Variants in PDE4D observed in about 807,000 individuals in gnomAD.
PDE4D encodes the protein 3',5'-cyclic-AMP phosphodiesterase 4D.
Under a neutral mutation model 87.4 loss-of-function variants are expected in PDE4D, and 24 were observed. That is an observed-to-expected ratio of 0.27 (90% confidence interval 0.20 to 0.39). The LOEUF is 0.39. Among genes scored for constraint, PDE4D ranks in the 10% least tolerant of loss-of-function variants. The pLI is 1.00. For synonymous variants in PDE4D, 384 were observed against 383.2 expected, an observed-to-expected ratio of 1.00 and a Z score of -0.02; for missense variants, 714 against 1,041.0, an observed-to-expected ratio of 0.69 and a Z score of 4.32.
intron 2 of PDE4D, among the ~76,000 whole-genome samples, chr5:60,095,272 C>G (rs1307685631): frequency 6.6e-6 from 1 of 152,162 alleles, no homozygotes; most frequent in Non-Finnish European, 1.5e-5. Context: ...CTTTGTTCAG[C>G]TCCCACCTAT....
intron 1 of PDE4D, among the ~76,000 whole-genome samples, chr5:59,762,515 T>TATGGGTACAC (rs1762197460): frequency 8.0e-6 from 1 of 125,736 alleles, no homozygotes; most frequent in African/African-American, 3.4e-5. Flanking sequence ...CATATGTGTA[T>TATGGGTACAC]ATGTGTATAT....
chr5:60,121,539 G>A (rs969209512), intron 2 of PDE4D, among the ~76,000 whole-genome samples: 8 of 152,038 alleles, frequency 5.3e-5, no homozygotes, highest in Non-Finnish European at 7.4e-5. Flanking sequence ...ATACAAAAGT[G>A]GAAACCCCTG....
intron 6 of PDE4D, among the ~76,000 whole-genome samples, chr5:58,993,796 C>A (rs986442714): frequency 4.6e-5 from 7 of 151,938 alleles, no homozygotes; most frequent in African/African-American, 1.7e-4. Flanking sequence ...CTGACCAGCA[C>A]AAATTTAGAC....
At chr5:59,133,675 C>T (rs1362790607) in intron 5 of PDE4D, among the ~76,000 whole-genome samples, 1 of 152,210 alleles carries the variant, frequency 6.6e-6, no homozygotes. Context: ...CCCAGGCATG[C>T]CACAGCAGCC....
chr5:59,058,751 T>C (rs1392344168), intron 5 of PDE4D, among the ~76,000 whole-genome samples: 2 of 151,724 alleles, frequency 1.3e-5, no homozygotes, highest in Non-Finnish European at 2.9e-5. Flanking sequence ...CAGACACCTG[T>C]CTACAAAGAG....
At chr5:58,989,694 A>T in intron 10 of PDE4D, 61 bp downstream of exon 10, 2 of 1,034,298 alleles carry the variant, frequency 1.9e-6, no homozygotes, top group Non-Finnish European at 2.8e-6. Flanking sequence ...TTCAGATAAA[A>T]GTTTAATAGA....
upstream of PDE4D, chr5:59,893,730 C>G (rs1751328233): frequency 7.3e-7 from 1 of 1,375,168 alleles, no homozygotes; most frequent in South Asian, 1.7e-5. Flanking sequence ...CTTCTGCAGC[C>G]CAGCAGAGGC....
intron 1 of PDE4D, among the ~76,000 whole-genome samples, chr5:59,222,961 C>T (rs1000398280): frequency 4.6e-5 from 7 of 152,088 alleles, no homozygotes; most frequent in African/African-American, 1.4e-4. Flanking sequence ...TCTTTTTCTC[C>T]CAGGGAGATC....
At chr5:60,031,265 C>A (rs956095302) in intron 2 of PDE4D, among the ~76,000 whole-genome samples, 1 of 152,174 alleles carries the variant, frequency 6.6e-6, no homozygotes, top group East Asian at 1.9e-4. Context: ...TTTGCTTTAA[C>A]AAACATTTAA....
intron 1 of PDE4D, among the ~76,000 whole-genome samples, chr5:59,754,067 T>A (rs1296553697): frequency 6.6e-6 from 1 of 152,184 alleles, no homozygotes; most frequent in Non-Finnish European, 1.5e-5. Flanking sequence ...CAGTGGCTCA[T>A]GCCTGTAATC....
intron 13 of PDE4D, 32 bp downstream of exon 13, chr5:58,976,318 C>A: frequency 6.2e-7 from 1 of 1,609,706 alleles, no homozygotes; most frequent in Non-Finnish European, 8.5e-7. Flanking sequence ...CACAGACACA[C>A]ACACACAGAG....
intron 1 of PDE4D, among the ~76,000 whole-genome samples, chr5:59,460,088 A>T (rs1243796931): frequency 6.7e-6 from 1 of 149,488 alleles, no homozygotes; most frequent in African/African-American, 2.5e-5. Flanking sequence ...AATAGACATA[A>T]GTAGAAAGAA....
intron 1 of PDE4D, among the ~76,000 whole-genome samples, chr5:59,651,480 CA>C (rs571423750): frequency 6.6e-6 from 1 of 151,554 alleles, no homozygotes; most frequent in Admixed American, 6.6e-5. Context: ...ACCTTCCTTC[CA>C]AAATTTTATT....
chr5:58,975,048 G>A lies in PDE4D; in HGVS notation c.2046C>T (p.Leu682=). 6.3e-7 allele frequency: 1 copy of A among 1,577,814 alleles called. No homozygotes were observed. ...GGACGAGGTCTGCCCATGTCTCCCA[G>A]AGGGGATGAACAATATAGTCTATGA... ...VGFIDYIVHP[L]WETWADLVHP... Residue 682 remains leucine (L), a synonymous_variant, in exon 15 of 15, where the codon CTC becomes CTT. Transcript: ENST00000340635. The surrounding 1 kb of genome is among the most constrained non-coding windows in gnomAD (Gnocchi z 4.2).
chr5:59,461,760 C>T lies in PDE4D; in HGVS notation c.456-245792G>A, dbSNP rs142617018. Reference sequence around the variant, plus strand: ...TTTTCCTGCTTATTACTCTTTAGACCCCCAATTTATTTCTCCTAGTATGCC... The same window carrying T: ...TTTTCCTGCTTATTACTCTTTAGACTCCCAATTTATTTCTCCTAGTATGCC... On this transcript the variant is annotated intron_variant, in intron 1 of 14. Coordinates refer to ENST00000340635, the MANE Select transcript of PDE4D (RefSeq NM_001104631.2). Among the ~76,000 whole-genome samples, 600 of 152,050 alleles carry T rather than the reference C, an allele frequency of 3.9e-3. 8 individuals carry two copies. The highest frequency in any genetic ancestry group is 0.014 in the African/African-American group (569 of 41,464).
At chr5:59,354,900 A>G (rs563260275) in intron 1 of PDE4D, among the ~76,000 whole-genome samples, 1 of 152,300 alleles carries the variant, frequency 6.6e-6, no homozygotes, top group East Asian at 1.9e-4. Context: ...ATAAACTAGA[A>G]CCTCCAAACA....
intron 2 of PDE4D, among the ~76,000 whole-genome samples, chr5:60,094,577 T>C (rs932678024): frequency 6.8e-6 from 1 of 146,716 alleles, no homozygotes; most frequent in East Asian, 2.1e-4. Flanking sequence ...TAACCCAATG[T>C]GAGTGACATG....
chr5:59,011,538 G>C (rs1752810091), intron 6 of PDE4D, among the ~76,000 whole-genome samples: 1 of 152,132 alleles, frequency 6.6e-6, no homozygotes, highest in African/African-American at 2.4e-5. Context: ...CTGGAAGAAA[G>C]GGTATCAGTG....
chr5:59,139,045 C>T (rs535958162), intron 5 of PDE4D, among the ~76,000 whole-genome samples: 4 of 152,124 alleles, frequency 2.6e-5, no homozygotes, highest in South Asian at 2.1e-4. Context: ...GAACAATATA[C>T]GCAAAAGTTA....
Sources: allele counts gnomAD v4.1 joint callset (sites outside exome capture counted in the v4.1 genomes callset), GRCh38; gene constraint gnomAD v4.1.1; non-coding constraint Gnocchi (gnomAD v3.1); transcripts MANE v1.5; gene names NCBI Gene and HGNC (gene_info 2026-07-23, HGNC 2026-07-21).